HMCN1: variants seen among roughly 807,000 people sequenced by gnomAD.
HMCN1 encodes the protein hemicentin-1.
Under a neutral mutation model 625.9 loss-of-function variants are expected in HMCN1, and 321 were observed. That is an observed-to-expected ratio of 0.51 (90% CI 0.47 to 0.56). HMCN1 has a LOEUF of 0.56. Among genes scored for constraint, HMCN1 ranks in the 20% least tolerant of loss-of-function variants. HMCN1 has a pLI of 0.00. For synonymous variants in HMCN1, 2,425 were observed against 2,417.6 expected (o/e 1.00, Z -0.09); for missense variants, 6,588 against 6,887.3 (o/e 0.96, Z 1.54).
chr1:185,893,733 G>A (rs1249495949), intron 4 of HMCN1, among the ~76,000 whole-genome samples: 1 of 152,108 alleles, frequency 6.6e-6, no homozygotes, highest in Non-Finnish European at 1.5e-5. Flanking sequence ...TGCTTGGTTA[G>A]AAAAGTGCTT....
At chr1:185,841,757 A>T (rs1661490837) in intron 1 of HMCN1, among the ~76,000 whole-genome samples, 1 of 152,192 alleles carries the variant, frequency 6.6e-6, no homozygotes, top group Admixed American at 6.5e-5. Flanking sequence ...AGGCTGGGCC[A>T]CTTTGGCTAA....
chr1:186,060,258 G>A (rs981461901), intron 46 of HMCN1, among the ~76,000 whole-genome samples: 6 of 152,038 alleles, frequency 3.9e-5, no homozygotes, highest in African/African-American at 1.4e-4. Flanking sequence ...TGGGAAACCA[G>A]ACCCAGGTGA....
intron 1 of HMCN1, among the ~76,000 whole-genome samples, chr1:185,790,103 A>C (rs1445046792): frequency 2.0e-5 from 3 of 152,218 alleles, no homozygotes. Flanking sequence ...TAGTGCAAAG[A>C]AATAGTGTCC....
rs1180233337 is a variant in HMCN1, at chr1:186,094,202, A to G, written c.10197-74A>G. ...ATAAATCACCACCTATAGCCTATTTATAAATCATAATTATTTTATGTGTAC... is the reference window on the plus strand; with the variant it reads ...ATAAATCACCACCTATAGCCTATTTGTAAATCATAATTATTTTATGTGTAC... On this transcript the variant is annotated intron_variant, in intron 66 of 106. Transcript: ENST00000271588. The G allele has an allele frequency of 6.8e-6, 8 of 1,172,326 alleles. No individual in the cohort carries two copies. In the South Asian group the frequency reaches 7.5e-5, roughly 11 times the overall value. The allele number at this position is 1,172,326 out of a possible 1,614,324, so 72.6% of individuals were successfully genotyped here.
chr1:185,765,339 A>G (rs1655805044), intron 1 of HMCN1, among the ~76,000 whole-genome samples: 1 of 152,138 alleles, frequency 6.6e-6, no homozygotes, highest in Non-Finnish European at 1.5e-5. Flanking sequence ...GAAGAAAGAG[A>G]GAGTTAAAGG....
intron 6 of HMCN1, among the ~76,000 whole-genome samples, chr1:185,913,818 G>A (rs1042561739): frequency 3.9e-5 from 6 of 152,112 alleles, no homozygotes; most frequent in African/African-American, 1.4e-4. Context: ...TCTTGGCCAT[G>A]TTCTGTGCTA....
At chr1:185,994,713 C>A in intron 23 of HMCN1, 102 bp from the exon 24 acceptor site, 1 of 1,190,838 alleles carries the variant, frequency 8.4e-7, no homozygotes, top group Non-Finnish European at 1.2e-6. Context: ...GAAATTATTT[C>A]ACTTTTCCAT....
chr1:186,016,375 A>G (rs1293847121), intron 32 of HMCN1, 136 bp downstream of exon 32: 1 of 768,184 alleles, frequency 1.3e-6, no homozygotes, highest in South Asian at 1.9e-5. Context: ...TGGATTGCAC[A>G]TTACCAAGGG....
intron 48 of HMCN1, among the ~76,000 whole-genome samples, chr1:186,064,100 A>G (rs1334935883): frequency 6.6e-6 from 1 of 152,190 alleles, no homozygotes; most frequent in African/African-American, 2.4e-5. Context: ...TGTGATATAT[A>G]CTATTAACCT....
chr1:185,779,185 G>T (rs532880739), intron 1 of HMCN1, among the ~76,000 whole-genome samples: 1 of 151,956 alleles, frequency 6.6e-6, no homozygotes, highest in Non-Finnish European at 1.5e-5. Context: ...CCACTTTTTG[G>T]TGGGGTTGTT....
intron 4 of HMCN1, among the ~76,000 whole-genome samples, chr1:185,888,684 C>G (rs1398745973): frequency 2.7e-5 from 4 of 147,316 alleles, no homozygotes; most frequent in Admixed American, 2.6e-4. Context: ...GTTTTGGTAC[C>G]AGTACCATGC....
intron 55 of HMCN1, among the ~76,000 whole-genome samples, chr1:186,079,522 C>G (rs1473409650): frequency 1.3e-5 from 2 of 152,162 alleles, no homozygotes; most frequent in Non-Finnish European, 2.9e-5. Context: ...GGTTATATAA[C>G]AAGTAGAGTT....
At chr1:186,059,970 A>G (rs1481546900) in intron 46 of HMCN1, among the ~76,000 whole-genome samples, 1 of 152,076 alleles carries the variant, frequency 6.6e-6, no homozygotes, top group Non-Finnish European at 1.5e-5. Flanking sequence ...AACTGGAATC[A>G]TATTATGATC....
chr1:185,930,838 T>C (rs1265638618), intron 10 of HMCN1, among the ~76,000 whole-genome samples: 2 of 152,038 alleles, frequency 1.3e-5, no homozygotes, highest in Non-Finnish European at 2.9e-5. Context: ...TTTGGTAGTT[T>C]AGTTTGATAC....
intron 28 of HMCN1, among the ~76,000 whole-genome samples, chr1:186,002,439 A>C (rs137903855): frequency 6.0e-4 from 92 of 152,246 alleles, no homozygotes; most frequent in Middle Eastern, 3.4e-3. Context: ...CTGCATAAAA[A>C]TTATATTCAT....
At chr1:186,100,263 GAGA>G (rs1163132703) in intron 68 of HMCN1, among the ~76,000 whole-genome samples, 1 of 152,110 alleles carries the variant, frequency 6.6e-6, no homozygotes, top group Non-Finnish European at 1.5e-5. Context: ...GAAGAAAGAT[GAGA>G]AGTTTTAGCA....
intron 80 of HMCN1, 133 bp from the exon 81 acceptor site, chr1:186,122,818 C>T (rs2102494788): frequency 1.1e-6 from 1 of 946,758 alleles, no homozygotes; most frequent in South Asian, 1.5e-5. Flanking sequence ...ATGTAGTGCT[C>T]CTTTTCTAAT....
chr1:186,171,719 A>G (rs1252300360), intron 101 of HMCN1, among the ~76,000 whole-genome samples: 1 of 152,156 alleles, frequency 6.6e-6, no homozygotes, highest in Non-Finnish European at 1.5e-5. Flanking sequence ...GTACATATAT[A>G]TGTATACAAA....
At chr1:186,181,950 A>G (rs540381514) in intron 104 of HMCN1, among the ~76,000 whole-genome samples, 1 of 152,252 alleles carries the variant, frequency 6.6e-6, no homozygotes, top group East Asian at 1.9e-4. Context: ...AATGTCCATA[A>G]TTTGTAATAT....
Sources: gnomAD v4.1 joint callset for allele counts (sites outside exome capture counted in the v4.1 genomes callset) on GRCh38, gnomAD v4.1.1 for gene constraint, MANE v1.5 for transcripts, NCBI Gene and HGNC (gene_info 2026-07-23, HGNC 2026-07-21) for gene names.